The following BBS9 variants were observed in gnomAD, a reference collection of about 807,000 sequenced individuals.
BBS9 encodes the protein Bardet-Biedl syndrome 9.
A neutral mutation model predicts 117.7 loss-of-function variants in BBS9; 89 were observed. The observed-to-expected ratio is 0.76, with a 90% CI of 0.64 to 0.90. The LOEUF is 0.90. BBS9 is among the 40% of genes least tolerant of loss of function. BBS9 has a pLI of 0.00. For missense variants in BBS9, 982 were observed against 1,042.2 expected, an observed-to-expected ratio of 0.94 and a Z score of 0.80; for synonymous variants, 379 against 370.9, an observed-to-expected ratio of 1.02 and a Z score of -0.25.
chr7:33,628,301 T>A (rs1865736175), intron 21 of BBS9, among the ~76,000 whole-genome samples: 1 of 152,094 alleles, frequency 6.6e-6, no homozygotes, highest in African/African-American at 2.4e-5. Flanking sequence ...AAATATTGAC[T>A]AACACATTTC....
At position 33,264,298 on chromosome 7, in the gene BBS9, T is replaced by C; in HGVS notation, c.626T>C (p.Val209Ala). The C allele has an allele frequency of 6.5e-7, 1 of 1,545,286 alleles. No individual in the cohort carries two copies. Among genetic ancestry groups the C allele is most frequent in the Non-Finnish European group, 8.7e-7 (1 of 1,144,302 alleles). The change falls in exon 7 of 23, where the codon GTA (valine) becomes GCA (alanine). Residue 209 changes from valine to alanine, a missense_variant. Transcript: ENST00000242067. ...CQQVESYKYQ[V>A]LAFATDADKR... ...AAATTTCTTTCATACAGGTACCAGG[T>C]ACTTGCTTTTGCAACAGATGCAGAT...
At chr7:33,368,166 T>C (rs1406540084) in intron 17 of BBS9, among the ~76,000 whole-genome samples, 2 of 152,074 alleles carry the variant, frequency 1.3e-5, no homozygotes, top group African/African-American at 4.8e-5. Context: ...CTAAGAAGAG[T>C]CTAAGAGAGG....
chr7:33,374,809 G>A (rs892060450), intron 17 of BBS9, among the ~76,000 whole-genome samples: 7 of 149,508 alleles, frequency 4.7e-5, no homozygotes, highest in African/African-American at 1.7e-4. Flanking sequence ...GTTGAAGCAG[G>A]AGAATCGCTT....
At chr7:33,600,301 T>G (rs949205953) in intron 21 of BBS9, among the ~76,000 whole-genome samples, 1 of 152,194 alleles carries the variant, frequency 6.6e-6, no homozygotes, top group African/African-American at 2.4e-5. Flanking sequence ...TGAAAGCTGA[T>G]GTCTTATTCA....
intron 19 of BBS9, among the ~76,000 whole-genome samples, chr7:33,484,237 CA>C (rs1182012028): frequency 1.3e-5 from 2 of 151,990 alleles, no homozygotes; most frequent in African/African-American, 4.8e-5. Context: ...GGAAAATCTA[CA>C]AAAAAGGTTA....
intron 9 of BBS9, among the ~76,000 whole-genome samples, chr7:33,314,043 A>C (rs1809915097): frequency 6.6e-6 from 1 of 152,150 alleles, no homozygotes; most frequent in Non-Finnish European, 1.5e-5. Context: ...GTAAGAAAGG[A>C]CCAACAAGAC....
chr7:33,519,234 A>G (rs1379948345), intron 20 of BBS9, among the ~76,000 whole-genome samples: 1 of 152,132 alleles, frequency 6.6e-6, no homozygotes, highest in African/African-American at 2.4e-5. Context: ...AGGAGTTGGT[A>G]CCTTTAGCTT....
intron 21 of BBS9, among the ~76,000 whole-genome samples, chr7:33,573,512 A>G (rs1858198113): frequency 6.6e-6 from 1 of 152,098 alleles, no homozygotes; most frequent in Non-Finnish European, 1.5e-5. Context: ...TAAGCTTTAT[A>G]GTTCTCCAAT....
chr7:33,527,613 C>A (rs957013112), intron 20 of BBS9, among the ~76,000 whole-genome samples: 4 of 152,202 alleles, frequency 2.6e-5, no homozygotes, highest in African/African-American at 9.6e-5. Flanking sequence ...GGCTCGCGCA[C>A]GGTGCGCACA....
intron 1 of BBS9, among the ~76,000 whole-genome samples, chr7:33,143,208 A>G (rs969208285): frequency 1.3e-5 from 2 of 152,016 alleles, no homozygotes; most frequent in Admixed American, 1.3e-4. Flanking sequence ...TGACCTCATG[A>G]TCCACCCGCC....
At chr7:33,530,362 A>T (rs755508084) in intron 20 of BBS9, among the ~76,000 whole-genome samples, 1 of 152,230 alleles carries the variant, frequency 6.6e-6, no homozygotes, top group Non-Finnish European at 1.5e-5. Flanking sequence ...AGTACTCTGT[A>T]TTAACTAAAT....
intron 17 of BBS9, among the ~76,000 whole-genome samples, chr7:33,383,171 C>G (rs1026502773): frequency 5.9e-5 from 9 of 152,112 alleles, no homozygotes; most frequent in Non-Finnish European, 1.0e-4. Context: ...TGCAAAATCT[C>G]TCTTCAAATT....
At position 33,612,815 on chromosome 7, in the gene BBS9, T is replaced by G. The variant is rs537205127; in HGVS notation, c.2522-22362T>G. ...GACAGCCACTCAAAGTCCACTTCTT[T>G]AAGGAGACAATATGATATAGAGAAA... On this transcript the variant is annotated intron_variant, in intron 21 of 21. Coordinates refer to the BBS9 transcript ENST00000671952. Among the ~76,000 whole-genome samples, 32 of 152,174 alleles carry G rather than the reference T, an allele frequency of 2.1e-4. 1 individual carries two copies. The South Asian group carries it at 6.6e-3, about 32-fold the overall frequency.
chr7:33,285,672 T>C (rs1466264918), intron 9 of BBS9, among the ~76,000 whole-genome samples: 1 of 152,200 alleles, frequency 6.6e-6, no homozygotes, highest in Non-Finnish European at 1.5e-5. Context: ...CTTATAGCCA[T>C]GTGGCTAAAC....
chr7:33,543,907 G>A (rs1852828815), intron 21 of BBS9, among the ~76,000 whole-genome samples: 1 of 151,864 alleles, frequency 6.6e-6, no homozygotes, highest in Admixed American at 6.6e-5. Context: ...TATTCTTTTT[G>A]CTTTGTCTTT....
chr7:33,236,340 A>AG (rs5883389), intron 5 of BBS9, among the ~76,000 whole-genome samples: 1 of 150,606 alleles, frequency 6.6e-6, no homozygotes, highest in East Asian at 1.9e-4. Context: ...AAAAAAAAAA[A>AG]GAAAAAAAAA....
chr7:33,524,740 C>T (rs1849207641), intron 20 of BBS9, among the ~76,000 whole-genome samples: 1 of 152,130 alleles, frequency 6.6e-6, no homozygotes, highest in Non-Finnish European at 1.5e-5. Flanking sequence ...TTTTGTGTCT[C>T]TATTTCCTTC....
At chr7:33,216,729 A>C (rs966030819) in intron 5 of BBS9, among the ~76,000 whole-genome samples, 17 of 152,220 alleles carry the variant, frequency 1.1e-4, no homozygotes, top group African/African-American at 4.1e-4. Context: ...TATGGTATGA[A>C]GGAGTCTCTT....
chr7:33,206,961 T>A (rs1249804480), intron 5 of BBS9, among the ~76,000 whole-genome samples: 1 of 152,184 alleles, frequency 6.6e-6, no homozygotes, highest in Admixed American at 6.5e-5. Context: ...TAGTCTCCCA[T>A]ACCATTAAAT....
Sources: allele counts gnomAD v4.1 joint callset (sites outside exome capture counted in the v4.1 genomes callset), GRCh38; gene constraint gnomAD v4.1.1; transcripts MANE v1.5; gene names NCBI Gene and HGNC (gene_info 2026-07-23, HGNC 2026-07-21).